The following RBM25 variants were observed in gnomAD, a reference collection of about 807,000 sequenced individuals.
The protein encoded by RBM25 is RNA binding motif protein 25, also known as RNA-binding protein 25.
RBM25 carries 19 observed loss-of-function variants against 120.7 expected under a neutral mutation model. That is an observed-to-expected ratio of 0.16 (90% CI 0.11 to 0.23). The LOEUF (loss-of-function observed/expected upper bound fraction) is 0.23. Among genes scored for constraint, RBM25 ranks in the 10% least tolerant of loss-of-function variants. The pLI, the probability that RBM25 is intolerant of heterozygous loss-of-function variation, is 1.00. For synonymous variants in RBM25, 390 were observed against 326.7 expected (o/e 1.19, Z -2.09); for missense variants, 605 against 1,041.5 (o/e 0.58, Z 5.77).
intron 17 of RBM25, 128 bp from the exon 18 acceptor site, chr14:73,114,158 A>C (rs1292981759): frequency 3.4e-5 from 22 of 644,680 alleles, no homozygotes; most frequent in Non-Finnish European, 5.6e-5. Flanking sequence ...AAATTAAAAC[A>C]TTTATAGAAT....
chr14:73,112,786 T>C (rs1896339427), intron 17 of RBM25, among the ~76,000 whole-genome samples: 1 of 151,462 alleles, frequency 6.6e-6, no homozygotes, highest in East Asian at 1.9e-4. Context: ...TTTTGTTTTG[T>C]TTTGTTTTTT....
chr14:73,063,275 G>A (rs571941012), intron 1 of RBM25, among the ~76,000 whole-genome samples: 4 of 150,960 alleles, frequency 2.6e-5, no homozygotes, highest in African/African-American at 4.8e-5. Context: ...TCAGCCTCCC[G>A]AGTAGCTGGG....
intron 1 of RBM25, chr14:73,068,347 C>T: frequency 2.8e-6 from 2 of 708,428 alleles, no homozygotes; most frequent in Non-Finnish European, 2.5e-6. Flanking sequence ...TTCGTCTTGG[C>T]AGTGAGCAGC....
intron 6 of RBM25, among the ~76,000 whole-genome samples, chr14:73,091,247 C>G (rs1210820520): frequency 2.6e-5 from 4 of 152,122 alleles, no homozygotes; most frequent in Non-Finnish European, 4.4e-5. Flanking sequence ...GGGGTGGGGA[C>G]AGAGTGTTGC....
At chr14:73,112,305 G>C (rs1896324959) in intron 17 of RBM25, 55 bp downstream of exon 17, 1 of 1,461,568 alleles carries the variant, frequency 6.8e-7, no homozygotes, top group Non-Finnish European at 9.1e-7. Context: ...TAAAATATTA[G>C]ACACTTCTTA....
intron 6 of RBM25, among the ~76,000 whole-genome samples, chr14:73,093,961 T>C (rs1470455657): frequency 2.7e-5 from 4 of 147,118 alleles, no homozygotes; most frequent in African/African-American, 1.0e-4. Flanking sequence ...TTTTTTTTTT[T>C]TTTTTCTTGA....
At chr14:73,115,644 CTG>C (rs34969654) in intron 18 of RBM25, among the ~76,000 whole-genome samples, 6,610 of 152,226 alleles carry the variant, frequency 0.043, 203 homozygotes, top group Middle Eastern at 0.11. Flanking sequence ...GTAGTTAACA[CTG>C]TGATTTTGTG....
At chr14:73,078,346 G>A (rs116064219) in intron 4 of RBM25, among the ~76,000 whole-genome samples, 2,435 of 151,772 alleles carry the variant, frequency 0.016, 47 homozygotes, top group East Asian at 0.049. Context: ...TAAAAAAAAA[G>A]CCAGGTGTGG....
Position 73,106,181 on chromosome 14 carries a change from AT to A in RBM25, c.1378-12del. On this transcript the variant is annotated splice_polypyrimidine_tract_variant and intron_variant, in intron 11 of 18. Coordinates refer to ENST00000261973, the MANE Select transcript of RBM25 (RefSeq NM_021239.3). ...TGTATAAATTTTTAAAGCTTTGAAA[AT>A]TTAATTTTTTTAGCGCCTTAAGAAT... 1 of 1,578,792 alleles carries A rather than the reference AT, an allele frequency of 6.3e-7. No individual in the cohort carries two copies. Among genetic ancestry groups the A allele is most frequent in the Non-Finnish European group, 8.6e-7 (1 of 1,168,696 alleles).
intron 18 of RBM25, among the ~76,000 whole-genome samples, chr14:73,117,807 T>C (rs1896466544): frequency 6.6e-6 from 1 of 152,156 alleles, no homozygotes; most frequent in African/African-American, 2.4e-5. Flanking sequence ...TCTAAATTCC[T>C]ACCCCAAACT....
intron 4 of RBM25, among the ~76,000 whole-genome samples, chr14:73,079,028 T>A (rs1895493120): frequency 6.6e-6 from 1 of 152,220 alleles, no homozygotes; most frequent in African/African-American, 2.4e-5. Flanking sequence ...TAATAAGTTG[T>A]TTAAATTTGG....
At chr14:73,109,524 T>C (rs772731382) in intron 14 of RBM25, 32 bp downstream of exon 14, 1 of 1,594,808 alleles carries the variant, frequency 6.3e-7, no homozygotes, top group Non-Finnish European at 8.5e-7. Context: ...TCGGGCGCGG[T>C]GGCTCACGCC....
rs148794316 is a variant in RBM25 at position 73,062,041 on chromosome 14, A to G, written c.-16+3336A>G. Among the ~76,000 whole-genome samples, 193 of 151,486 alleles carry G rather than the reference A, an allele frequency of 1.3e-3. 6 individuals are homozygous for G. Among genetic ancestry groups the G allele is most frequent in the Non-Finnish European group, 2.1e-3 (142 of 67,550 alleles). ...CACCATATTAATGCTGAATGGACTT[A>G]GCATGAACACCTGATCAGTAGCGTG... On this transcript the variant is annotated intron_variant, in intron 1 of 18. Transcript: ENST00000261973.
At chr14:73,072,891 ACAG>A (rs1895327586) in intron 2 of RBM25, among the ~76,000 whole-genome samples, 1 of 152,060 alleles carries the variant, frequency 6.6e-6, no homozygotes, top group African/African-American at 2.4e-5. Flanking sequence ...GGTTGTATAA[ACAG>A]CACATTTGTC....
Position 73,091,418 on chromosome 14 carries a change from T to C in RBM25, c.543+3257T>C, listed in dbSNP as rs75284250. Among the ~76,000 whole-genome samples, 785 of 152,276 alleles carry C rather than the reference T, an allele frequency of 5.2e-3. 4 individuals carry two copies. Among genetic ancestry groups the C allele is most frequent in the African/African-American group, 0.018 (752 of 41,538 alleles). ...TTGTTGAGATGAAGTTTCACTGTGTTGTCCAGGCTGGTCTTGAACTCCTGG... is the reference window on the plus strand; with the variant it reads ...TTGTTGAGATGAAGTTTCACTGTGTCGTCCAGGCTGGTCTTGAACTCCTGG... On this transcript the variant is annotated intron_variant, in intron 6 of 18. Transcript: ENST00000261973.
intron 1 of RBM25, chr14:73,068,387 A>ATGT: frequency 8.4e-6 from 4 of 476,614 alleles, no homozygotes; most frequent in African/African-American, 4.5e-5. Flanking sequence ...CTTGTATTTG[A>ATGT]TTTTTTTTTT....
chr14:73,096,859 G>A (rs1895951445), intron 6 of RBM25, 56 bp from the exon 7 acceptor site: 1 of 1,458,862 alleles, frequency 6.9e-7, no homozygotes, highest in Admixed American at 1.8e-5. Context: ...GTTGTAGAGT[G>A]ATTTTGATTT....
intron 4 of RBM25, 102 bp downstream of exon 4, chr14:73,077,638 A>C: frequency 9.0e-7 from 1 of 1,113,068 alleles, no homozygotes; most frequent in Non-Finnish European, 1.2e-6. Context: ...TATTTTAAAA[A>C]ATTTCAGTCC....
intron 2 of RBM25, among the ~76,000 whole-genome samples, chr14:73,072,706 T>G (rs1012852218): frequency 3.3e-5 from 5 of 152,176 alleles, no homozygotes; most frequent in Non-Finnish European, 4.4e-5. Context: ...TCTTGGCTAT[T>G]CAGGAGACTG....
Sources: gnomAD v4.1 joint callset for allele counts (sites outside exome capture counted in the v4.1 genomes callset) on GRCh38, gnomAD v4.1.1 for gene constraint, MANE v1.5 for transcripts, NCBI Gene and HGNC (gene_info 2026-07-23, HGNC 2026-07-21) for gene names.